AGBL3: variants seen among roughly 807,000 people sequenced by gnomAD.
AGBL3 encodes cytosolic carboxypeptidase 3.
Under a neutral mutation model 94.5 loss-of-function variants are expected in AGBL3, and 68 were observed. The ratio of observed to expected loss-of-function variants is 0.72; its 90% CI spans 0.59 to 0.88. The LOEUF is 0.88. Ranked by LOEUF, AGBL3 falls within the 40% of genes least tolerant of loss-of-function variation. The pLI is 0.00. For missense variants in AGBL3, 934 were observed against 1,103.8 expected, an observed-to-expected ratio of 0.85 and a Z score of 2.18; for synonymous variants, 354 against 370.7, an observed-to-expected ratio of 0.95 and a Z score of 0.52.
chr7:135,129,525 A>G, intron 16 of AGBL3: 1 of 773,014 alleles, frequency 1.3e-6, no homozygotes, highest in East Asian at 2.4e-5. Flanking sequence ...ATATAACAAG[A>G]TGACATGTAC....
chr7:135,051,700 T>G, intron 11 of AGBL3, among the ~76,000 whole-genome samples: 1 of 152,250 alleles, frequency 6.6e-6, no homozygotes. Context: ...ATAGAACTTA[T>G]TCTTCCTTAT....
intron 11 of AGBL3, among the ~76,000 whole-genome samples, chr7:135,052,514 C>T (rs778822424): frequency 3.3e-5 from 5 of 152,058 alleles, no homozygotes; most frequent in Admixed American, 1.3e-4. Flanking sequence ...TCCATTGAAC[C>T]CATCACCCAA....
At chr7:135,049,703 C>T (rs780933930) in intron 11 of AGBL3, among the ~76,000 whole-genome samples, 15 of 151,780 alleles carry the variant, frequency 9.9e-5, no homozygotes, top group Non-Finnish European at 2.1e-4. Context: ...TGTTGTTATA[C>T]CACTGTTCAT....
At chr7:135,111,624 A>G (rs138838828) in intron 15 of AGBL3, among the ~76,000 whole-genome samples, 14 of 152,026 alleles carry the variant, frequency 9.2e-5, no homozygotes, top group South Asian at 6.2e-4. Flanking sequence ...AAATAGCTCA[A>G]TGAATATCTG....
chr7:134,995,290 G>C (rs902376621), intron 4 of AGBL3: 1 of 152,266 alleles, frequency 6.6e-6, no homozygotes, highest in South Asian at 2.1e-4. Flanking sequence ...CTGCTTCTCA[G>C]TGTCACTTCC....
At chr7:135,045,397 A>T in intron 9 of AGBL3, 77 bp from the exon 10 acceptor site, 1 of 1,143,950 alleles carries the variant, frequency 8.7e-7, no homozygotes, top group Non-Finnish European at 1.3e-6. Context: ...TGTTTTGTTT[A>T]TAGTGTTTTG....
intron 12 of AGBL3, among the ~76,000 whole-genome samples, chr7:135,072,107 T>G (rs1317825574): frequency 2.0e-5 from 3 of 152,088 alleles, no homozygotes; most frequent in African/African-American, 7.2e-5. Flanking sequence ...GCGAAGGATA[T>G]GAACAGACAC....
rs1169016102 is a variant in AGBL3 at position 135,096,560 on chromosome 7, GATAGATAGATAGATAGATAGATAC to G, written c.2110+14794_2110+14817del. ...AAAGAAAAAGAAAGAAAGAAAGAAAGATAGATAGATAGATAGATAGATACATAGATAGATAGATAGATAGATAGA... is the reference window on the plus strand; with the variant it reads ...AAAGAAAAAGAAAGAAAGAAAGAAAGATAGATAGATAGATAGATAGATAGA... On this transcript the variant is annotated intron_variant, in intron 15 of 16. Transcript: ENST00000436302. Among the ~76,000 whole-genome samples, 288 of 30,708 alleles carry G rather than the reference GATAGATAGATAGATAGATAGATAC, an allele frequency of 9.4e-3. 9 individuals carry two copies. The highest frequency in any genetic ancestry group is 0.053 in the East Asian group (119 of 2,260). The allele number at this position is 30,708 out of a possible 152,430, so 20.1% of individuals were successfully genotyped here. A position where few individuals can be genotyped will look rare whatever the true frequency, so the allele number is the denominator to read the frequency against.
At chr7:135,079,560 G>A (rs1327629335) in intron 13 of AGBL3, among the ~76,000 whole-genome samples, 2 of 151,908 alleles carry the variant, frequency 1.3e-5, no homozygotes, top group Non-Finnish European at 2.9e-5. Context: ...CTGCCTCCCG[G>A]GTTTAAGCAA....
At chr7:135,056,157 G>T (rs1287647294) in intron 11 of AGBL3, among the ~76,000 whole-genome samples, 1 of 151,786 alleles carries the variant, frequency 6.6e-6, no homozygotes, top group African/African-American at 2.4e-5. Flanking sequence ...CTTTTTTCTT[G>T]GTTAACCTGG....
intron 5 of AGBL3, among the ~76,000 whole-genome samples, chr7:135,022,425 G>A (rs1057352562): frequency 1.4e-4 from 22 of 152,100 alleles, no homozygotes; most frequent in African/African-American, 5.1e-4. Flanking sequence ...CAGTGATGAT[G>A]AGCTTTTCTT....
intron 4 of AGBL3, among the ~76,000 whole-genome samples, chr7:135,005,345 T>G (rs1812255290): frequency 6.6e-6 from 1 of 151,782 alleles, no homozygotes; most frequent in Non-Finnish European, 1.5e-5. Flanking sequence ...CATACCACAA[T>G]ATAGAACATT....
chr7:135,127,766 G>A (rs1014365485), intron 16 of AGBL3, among the ~76,000 whole-genome samples: 3 of 152,156 alleles, frequency 2.0e-5, no homozygotes, highest in Admixed American at 6.5e-5. Flanking sequence ...AGACAGTATG[G>A]CGATTCCTCA....
chr7:135,033,127 G>T (rs1041242055), intron 6 of AGBL3, 145 bp downstream of exon 6: 2 of 912,506 alleles, frequency 2.2e-6, no homozygotes, highest in Non-Finnish European at 3.1e-6. Context: ...TGTTGTGGAG[G>T]AGGGGAGTAT....
At chr7:135,027,665 CT>C (rs1157863193) in intron 5 of AGBL3, among the ~76,000 whole-genome samples, 15 of 151,354 alleles carry the variant, frequency 9.9e-5, no homozygotes, top group African/African-American at 3.6e-4. Context: ...TCTGAGTTGG[CT>C]TTTTTTTCTT....
chr7:135,100,074 G>A, intron 15 of AGBL3: 1 of 151,750 alleles, frequency 6.6e-6, no homozygotes, highest in Non-Finnish European at 1.5e-5. Flanking sequence ...TTTTAGTAGA[G>A]ATGGGGTTTC....
intron 12 of AGBL3, among the ~76,000 whole-genome samples, chr7:135,060,292 ATATT>A (rs545951990): frequency 5.9e-5 from 9 of 152,156 alleles, no homozygotes; most frequent in Non-Finnish European, 1.3e-4. Flanking sequence ...AAAATTATAT[ATATT>A]TATTGTATAT....
At position 135,099,882 on chromosome 7, in the gene AGBL3, C is replaced by CTTTTTTT. The variant is rs34324217; in HGVS notation, c.2111-15481_2111-15475dup. The CTTTTTTT allele has an allele frequency of 5.9e-4, 37 of 62,704 alleles. 1 individual carries two copies. Among genetic ancestry groups the CTTTTTTT allele is most frequent in the East Asian group, 2.5e-3 (5 of 1,976 alleles). 3.9% of individuals were successfully genotyped at this position (62,704 alleles called of 1,614,324 possible). Reference sequence around the variant, plus strand: ...TTAGCATTGTATTGTCTGAGTTTCTCTTTTTTTTTTTTTTTTTTTTTTTGA... The same window carrying CTTTTTTT: ...TTAGCATTGTATTGTCTGAGTTTCTCTTTTTTTTTTTTTTTTTTTTTTTTTTTTTTGA... On this transcript the variant is annotated intron_variant, in intron 15 of 16. Coordinates refer to ENST00000436302, the MANE Select transcript of AGBL3 (RefSeq NM_178563.4).
chr7:135,034,404 C>T lies in AGBL3; in HGVS notation c.813C>T (p.Gly271=). The part of the protein sequence containing the change: ...DQIKYYRNNP[G]QDGRHYFSLT... ...TCAAGTATTATAGGAACAACCCAGG[C>T]CAAGATGGGCGCCATTATTTCTCTC... Residue 271 remains glycine, a synonymous_variant, in exon 7 of 17, where the codon GGC becomes GGT. Coordinates refer to ENST00000436302, the MANE Select transcript of AGBL3 (RefSeq NM_178563.4). 1 of 1,551,670 alleles carries T rather than the reference C, an allele frequency of 6.4e-7. No individual in the cohort carries two copies. Among genetic ancestry groups the T allele is most frequent in the Non-Finnish European group, 8.7e-7 (1 of 1,146,970 alleles).
Sources: gnomAD v4.1 joint callset for allele counts (sites outside exome capture counted in the v4.1 genomes callset) on GRCh38, gnomAD v4.1.1 for gene constraint, MANE v1.5 for transcripts, NCBI Gene and HGNC (gene_info 2026-07-23, HGNC 2026-07-21) for gene names.